The following IL1RAPL2 variants were observed in gnomAD, a reference collection of about 807,000 sequenced individuals.
IL1RAPL2 encodes X-linked interleukin-1 receptor accessory protein-like 2.
Under a neutral mutation model 44.1 loss-of-function variants are expected in IL1RAPL2, and 3 were observed. The observed-to-expected ratio is 0.07, with a 90% confidence interval of 0.03 to 0.18. The LOEUF (loss-of-function observed/expected upper bound fraction) is 0.18. Among genes scored for constraint, IL1RAPL2 ranks in the 10% least tolerant of loss-of-function variants. The pLI is 1.00. For synonymous variants in IL1RAPL2, 181 were observed against 178.8 expected, an observed-to-expected ratio of 1.01 and a Z score of -0.10; for missense variants, 391 against 496.4, an observed-to-expected ratio of 0.79 and a Z score of 2.02.
intron 4 of IL1RAPL2, among the ~76,000 whole-genome samples, chrX:105,248,170 A>G (rs1180685232): frequency 9.0e-6 from 1 of 111,440 alleles, no homozygotes; most frequent in Non-Finnish European, 1.9e-5. Context: ...TTGTAAACAT[A>G]CATGCTTCCT....
chrX:104,925,728 C>A (rs1398591680), intron 2 of IL1RAPL2, among the ~76,000 whole-genome samples: 1 of 111,496 alleles, frequency 9.0e-6, no homozygotes, highest in Non-Finnish European at 1.9e-5. Context: ...ATGACAAACC[C>A]ATAGCCAACA....
chrX:105,285,172 A>G (rs1156448921), intron 5 of IL1RAPL2, among the ~76,000 whole-genome samples: 1 of 111,607 alleles, frequency 9.0e-6, no homozygotes, highest in Non-Finnish European at 1.9e-5. Flanking sequence ...CAACTCAATG[A>G]AGATCTTCTG....
intron 5 of IL1RAPL2, among the ~76,000 whole-genome samples, chrX:105,407,938 G>A (rs953727845): frequency 9.8e-5 from 11 of 111,687 alleles, no homozygotes; most frequent in African/African-American, 3.6e-4. Context: ...AAAAAACCAA[G>A]GTGCATCATT....
chrX:104,775,823 G>A (rs1262899682), intron 2 of IL1RAPL2, among the ~76,000 whole-genome samples: 4 of 110,110 alleles, frequency 3.6e-5, no homozygotes, highest in African/African-American at 9.9e-5. Context: ...GTTAAGCCAC[G>A]TTTTCCAAGA....
At chrX:104,682,015 A>G (rs1175007133) in intron 2 of IL1RAPL2, among the ~76,000 whole-genome samples, 1 of 112,526 alleles carries the variant, frequency 8.9e-6, no homozygotes, top group Non-Finnish European at 1.9e-5. Flanking sequence ...TTTTGTTGTC[A>G]TTACTCAAAT....
At chrX:104,881,776 T>C (rs1189588023) in intron 2 of IL1RAPL2, among the ~76,000 whole-genome samples, 1 of 111,539 alleles carries the variant, frequency 9.0e-6, no homozygotes, top group Admixed American at 9.6e-5. Flanking sequence ...TTTATTCCCA[T>C]GTGAGGATAT....
chrX:105,427,613 T>C (rs1319797428), intron 5 of IL1RAPL2, among the ~76,000 whole-genome samples: 4 of 112,101 alleles, frequency 3.6e-5, no homozygotes, highest in Non-Finnish European at 7.5e-5. Context: ...TCAGTAATTA[T>C]TGTTTAATCA....
intron 1 of IL1RAPL2, among the ~76,000 whole-genome samples, chrX:104,653,526 C>A (rs771321503): frequency 1.2e-4 from 13 of 111,555 alleles, no homozygotes; most frequent in Non-Finnish European, 5.7e-5. Context: ...CTTGTCAAAA[C>A]GTAGCCTTCT....
intron 5 of IL1RAPL2, among the ~76,000 whole-genome samples, chrX:105,381,228 A>G (rs1218789908): frequency 9.0e-6 from 1 of 111,640 alleles, no homozygotes. Context: ...CACAGCTAGG[A>G]ATATTAAATT....
intron 7 of IL1RAPL2, 71 bp downstream of exon 7, chrX:105,717,567 CCAAAT>C (rs1176351021): frequency 2.6e-5 from 25 of 977,669 alleles, no homozygotes; most frequent in Non-Finnish European, 1.8e-5. Flanking sequence ...AATTGCAACT[CCAAAT>C]CATTCCATTC....
intron 1 of IL1RAPL2, among the ~76,000 whole-genome samples, chrX:104,655,993 G>A (rs1042529028): frequency 9.0e-6 from 1 of 111,569 alleles, no homozygotes; most frequent in African/African-American, 3.3e-5. Context: ...ATGGTAGTTT[G>A]TATTTCTGTG....
intron 2 of IL1RAPL2, among the ~76,000 whole-genome samples, chrX:104,824,747 T>C (rs1310375772): frequency 8.9e-6 from 1 of 111,977 alleles, no homozygotes; most frequent in Admixed American, 9.5e-5. Context: ...CTTTATACTT[T>C]TTTATTGTGT....
At chrX:104,931,628 C>T (rs1924901004) in intron 2 of IL1RAPL2, among the ~76,000 whole-genome samples, 3 of 111,604 alleles carry the variant, frequency 2.7e-5, no homozygotes, top group Non-Finnish European at 3.8e-5. Context: ...TAGAAAAATA[C>T]TCTGAGACAT....
At chrX:104,795,932 A>G (rs1258500168) in intron 2 of IL1RAPL2, among the ~76,000 whole-genome samples, 1 of 111,992 alleles carries the variant, frequency 8.9e-6, no homozygotes, top group Non-Finnish European at 1.9e-5. Flanking sequence ...ACAAAAGACT[A>G]ATGAAAAAGT....
At chrX:104,774,442 A>G (rs1300662536) in intron 2 of IL1RAPL2, among the ~76,000 whole-genome samples, 5 of 111,978 alleles carry the variant, frequency 4.5e-5, no homozygotes, top group Non-Finnish European at 9.4e-5. Context: ...ATGACTAAGT[A>G]GTAGTACTTG....
chrX:105,221,894 C>T (rs2033968633), intron 3 of IL1RAPL2, among the ~76,000 whole-genome samples: 1 of 111,736 alleles, frequency 8.9e-6, no homozygotes, highest in Non-Finnish European at 1.9e-5. Flanking sequence ...AACTAAGAGA[C>T]AAAATCTTGT....
intron 2 of IL1RAPL2, among the ~76,000 whole-genome samples, chrX:104,986,940 G>A (rs763558696): frequency 8.9e-6 from 1 of 112,227 alleles, no homozygotes; most frequent in African/African-American, 3.2e-5. Flanking sequence ...GAATTTTCCA[G>A]TTTCAACAAA....
At chrX:105,126,859 G>C (rs1319239129) in intron 2 of IL1RAPL2, among the ~76,000 whole-genome samples, 6 of 110,962 alleles carry the variant, frequency 5.4e-5, no homozygotes, top group African/African-American at 2.0e-4. Flanking sequence ...CAACATACCA[G>C]ATATTCAGTA....
At chrX:105,134,156 C>T (rs1474648211) in intron 2 of IL1RAPL2, among the ~76,000 whole-genome samples, 1 of 111,985 alleles carries the variant, frequency 8.9e-6, no homozygotes, top group Non-Finnish European at 1.9e-5. Flanking sequence ...TAAACATTTA[C>T]TTGTGATGCC....
Sources: gnomAD v4.1 joint callset for allele counts (sites outside exome capture counted in the v4.1 genomes callset) on GRCh38, gnomAD v4.1.1 for gene constraint, MANE v1.5 for transcripts, NCBI Gene and HGNC (gene_info 2026-07-23, HGNC 2026-07-21) for gene names.